BCL7A: variants seen among roughly 807,000 people sequenced by gnomAD.
The protein encoded by BCL7A is B-cell CLL/lymphoma 7 protein family member A.
In BCL7A, 11 loss-of-function variants were observed where a neutral mutation model predicts 28.4. The observed-to-expected ratio is 0.39, with a 90% CI of 0.24 to 0.64. The LOEUF (loss-of-function observed/expected upper bound fraction) is 0.64, where lower values mean the gene tolerates loss of function less well. BCL7A is among the 30% of genes least tolerant of loss of function. The probability of loss-of-function intolerance (pLI) is 0.50; values close to 1 mark genes in which losing one functional copy is unlikely to be tolerated. For missense variants in BCL7A, 222 were observed against 274.8 expected (o/e 0.81, Z 1.36); for synonymous variants, 123 against 103.3 (o/e 1.19, Z -1.15).
intron 1 of BCL7A, among the ~76,000 whole-genome samples, chr12:122,028,113 C>T (rs762906915): frequency 3.9e-5 from 6 of 152,166 alleles, no homozygotes; most frequent in Non-Finnish European, 8.8e-5. Flanking sequence ...GAGCATAGGT[C>T]CAGCTCAGAG....
At chr12:122,053,229 C>G (rs552365883) in intron 4 of BCL7A, among the ~76,000 whole-genome samples, 32 of 152,232 alleles carry the variant, frequency 2.1e-4, no homozygotes, top group Middle Eastern at 3.2e-3. Flanking sequence ...CTCCTGACTT[C>G]AAGTGATCCG....
intron 4 of BCL7A, among the ~76,000 whole-genome samples, chr12:122,047,864 GGTGGAAAA>G (rs1816528955): frequency 6.7e-6 from 1 of 150,198 alleles, no homozygotes; most frequent in Non-Finnish European, 1.5e-5. Flanking sequence ...CAGAAGTGGA[GGTGGAAAA>G]GTGGAAAAGA....
rs146922318 is a variant in BCL7A at position 122,059,851 on chromosome 12, G to C, written c.*688G>C. 254 of 232,242 alleles carry C rather than the reference G, an allele frequency of 1.1e-3. No individual in the cohort carries two copies. The highest frequency in any genetic ancestry group is 5.2e-3 in the African/African-American group (234 of 45,392). 14.4% of individuals were successfully genotyped at this position (232,242 alleles called of 1,614,324 possible). The stretch of plus-strand genomic sequence containing the variant: ...GCAGGTGTTGGGGCACAGTCCCCAA[G>C]GGCTCGGCCCCTTGGATCAGGCTGG... On this transcript the variant is annotated 3_prime_UTR_variant, in exon 6 of 6. Transcript: ENST00000261822. This position sits in a 1 kb window ranked among gnomAD's most constrained non-coding sequence, Gnocchi z 4.0.
At position 122,058,170 on chromosome 12, in the gene BCL7A, G is replaced by A. The variant is rs985662213; in HGVS notation, c.562-922G>A. Among the ~76,000 whole-genome samples, 30 of 152,126 alleles carry A rather than the reference G, an allele frequency of 2.0e-4. 1 individual carries two copies. The highest frequency in any genetic ancestry group is 6.8e-4 in the African/African-American group (28 of 41,426). On this transcript the variant is annotated intron_variant, in intron 5 of 5. Transcript: ENST00000261822. ...TATGATGACCACTACACCCCAGCCT[G>A]AGCAGCAAAGCAAGACTCTGTCTCT...
chr12:122,058,213 G>C (rs1013501956), intron 5 of BCL7A, among the ~76,000 whole-genome samples: 2 of 152,188 alleles, frequency 1.3e-5, no homozygotes, highest in Admixed American at 6.5e-5. Flanking sequence ...ATTATAAAAA[G>C]AACTTGGAAA....
Position 122,029,473 on chromosome 12 carries a change from G to A in BCL7A, c.93-1227G>A, listed in dbSNP as rs1435710399. 2.0e-5 allele frequency among the ~76,000 whole-genome samples: 3 copies of A among 152,342 alleles called. No homozygotes were observed. The South Asian group carries it at 6.2e-4, about 32-fold the overall frequency. ...GTTTGGGCAGAGAGGCCAAAAAAAGGTGCCAGGCAGCTCACGGACAGAGGT... is the reference window on the plus strand; with the variant it reads ...GTTTGGGCAGAGAGGCCAAAAAAAGATGCCAGGCAGCTCACGGACAGAGGT... On this transcript the variant is annotated intron_variant, in intron 1 of 5. Transcript: ENST00000261822. This position sits in a 1 kb window ranked among gnomAD's most constrained non-coding sequence, Gnocchi z 4.3.
At position 122,060,720 on chromosome 12, in the gene BCL7A, C is replaced by T. The variant is rs1472773298; in HGVS notation, c.*1557C>T. On this transcript the variant is annotated 3_prime_UTR_variant, in exon 6 of 6. Coordinates refer to ENST00000261822, the MANE Select transcript of BCL7A (RefSeq NM_001024808.3). ...CAGGTACCACCTTTGACGTGTGGCT[C>T]TTTCTCCTGACCATCATGGGAAGTG... The T allele has an allele frequency of 4.3e-6, 1 of 232,152 alleles. No homozygotes were observed. Among genetic ancestry groups the T allele is most frequent in the Non-Finnish European group, 8.5e-6 (1 of 117,622 alleles). 14.4% of individuals were successfully genotyped at this position (232,152 alleles called of 1,614,324 possible).
At chr12:122,040,954 C>T (rs10840644) in intron 3 of BCL7A, among the ~76,000 whole-genome samples, 50,156 of 151,920 alleles carry the variant, frequency 0.33, 10,402 homozygotes, top group Non-Finnish European at 0.47. Context: ...CAGCCTCTTG[C>T]GCGTGTGCTT....
intron 2 of BCL7A, among the ~76,000 whole-genome samples, chr12:122,033,491 T>C (rs991227939): frequency 6.6e-6 from 1 of 152,220 alleles, no homozygotes; most frequent in African/African-American, 2.4e-5. Context: ...TTTTTGTATT[T>C]TTAATAGAGA....
chr12:122,045,798 G>A (rs1884064156), intron 4 of BCL7A, among the ~76,000 whole-genome samples: 1 of 151,816 alleles, frequency 6.6e-6, no homozygotes. Flanking sequence ...TAAAAATAAA[G>A]ACATTCTGGG....
intron 1 of BCL7A, among the ~76,000 whole-genome samples, chr12:122,027,038 G>T (rs951465969): frequency 6.6e-6 from 1 of 152,194 alleles, no homozygotes; most frequent in African/African-American, 2.4e-5. Context: ...AGGTGACGGG[G>T]CCGCCAAGAC....
intron 1 of BCL7A, among the ~76,000 whole-genome samples, chr12:122,024,585 C>A (rs1393237827): frequency 6.6e-6 from 1 of 151,946 alleles, no homozygotes; most frequent in Non-Finnish European, 1.5e-5. Context: ...AGACTCAGCC[C>A]ATGAGACTGT....
At chr12:122,024,122 C>T (rs993742533) in intron 1 of BCL7A, among the ~76,000 whole-genome samples, 1 of 152,190 alleles carries the variant, frequency 6.6e-6, no homozygotes, top group African/African-American at 2.4e-5. Flanking sequence ...GCTGACCCCG[C>T]GGGGACCAGG....
intron 1 of BCL7A, 109 bp downstream of exon 1, chr12:122,022,292 C>A: frequency 1.7e-6 from 1 of 581,562 alleles, no homozygotes. Context: ...CGGCCCAGCC[C>A]CGCCGCGGGC....
At chr12:122,042,175 C>T (rs1344598462) in intron 3 of BCL7A, among the ~76,000 whole-genome samples, 1 of 152,124 alleles carries the variant, frequency 6.6e-6, no homozygotes, top group Non-Finnish European at 1.5e-5. Flanking sequence ...AATGCCATTG[C>T]CCAATTACCC....
At chr12:122,025,210 C>CT (rs1282731716) in intron 1 of BCL7A, among the ~76,000 whole-genome samples, 1 of 152,062 alleles carries the variant, frequency 6.6e-6, no homozygotes, top group African/African-American at 2.4e-5. Context: ...GCAGCGTAAG[C>CT]TTGGAGGCCC....
In BCL7A at chr12:122,035,255, C is replaced by G. The variant is rs1456432417; in HGVS notation, c.175-76C>G. On this transcript the variant is annotated intron_variant, in intron 2 of 5. Transcript: ENST00000261822. ...TCAATGGAATAAAATATTCACACCA[C>G]TCCCCAGGGGCTCTGAGCACGTGTG... The G allele has an allele frequency of 2.2e-6, 3 of 1,354,172 alleles. No homozygotes were observed. In the African/African-American group the frequency reaches 4.3e-5, roughly 19 times the overall value. The allele number at this position is 1,354,172 out of a possible 1,614,324, so 83.9% of individuals were successfully genotyped here. A position where few individuals can be genotyped will look rare whatever the true frequency, so the allele number is the denominator to read the frequency against.
At chr12:122,046,088 T>G (rs1272417596) in intron 4 of BCL7A, among the ~76,000 whole-genome samples, 2 of 136,600 alleles carry the variant, frequency 1.5e-5, no homozygotes, top group African/African-American at 2.7e-5. Flanking sequence ...AAAAAAGGCA[T>G]TCTCTTACAG....
intron 1 of BCL7A, among the ~76,000 whole-genome samples, chr12:122,026,458 A>C (rs186501182): frequency 6.6e-6 from 1 of 152,160 alleles, no homozygotes; most frequent in African/African-American, 2.4e-5. Context: ...ACAAACAAAA[A>C]AAGTAGGCTT....
Sources: gnomAD v4.1 joint callset for allele counts (sites outside exome capture counted in the v4.1 genomes callset) on GRCh38, gnomAD v4.1.1 for gene constraint, Gnocchi (gnomAD v3.1) non-coding constraint, MANE v1.5 for transcripts, NCBI Gene and HGNC (gene_info 2026-07-23, HGNC 2026-07-21) for gene names.